ACSL4: variants seen among roughly 807,000 people sequenced by gnomAD.
The protein encoded by ACSL4 is long-chain-fatty-acid--CoA ligase 4.
A neutral mutation model predicts 49.1 loss-of-function variants in ACSL4; 9 were observed. That is an observed-to-expected ratio of 0.18 (90% CI 0.11 to 0.32). The LOEUF (loss-of-function observed/expected upper bound fraction) is 0.32. Ranked by LOEUF, ACSL4 falls within the 10% of genes least tolerant of loss-of-function variation. The probability of loss-of-function intolerance (pLI) is 1.00; values close to 1 mark genes in which losing one functional copy is unlikely to be tolerated. For synonymous variants in ACSL4, 191 were observed against 170.3 expected (o/e 1.12, Z -0.95); for missense variants, 333 against 493.7 (o/e 0.67, Z 3.08).
chrX:109,683,257 T>C lies in ACSL4; in HGVS notation c.107A>G (p.Asp36Gly). 8.3e-7 allele frequency: 1 copy of C among 1,212,004 alleles called. No individual in the cohort carries two copies. The highest frequency in any genetic ancestry group is 1.1e-6 in the Non-Finnish European group (1 of 895,490). ...SLAVIDIPGADTLDKLFDHAV... is the reference protein window; with the variant it reads ...SLAVIDIPGAGTLDKLFDHAV... The stretch of plus-strand genomic sequence containing the variant: ...ATGGTCAAATAATTTATCCAGAGTA[T>C]CTGCTCCAGGGATGTCTATTACAGC... Residue 36 changes from aspartate to glycine, a missense_variant, in exon 3 of 16, where the codon GAT becomes GGT. By Grantham distance (94) the Asp-to-Gly change is moderately conservative. This residue lies in a region of ACSL4 where 157 missense variants were observed against 201.1 expected (regional missense o/e 0.78). Coordinates refer to ENST00000672401, the MANE Select transcript of ACSL4 (RefSeq NM_001318510.2).
rs73248180 is a variant in ACSL4, at chrX:109,699,258, G to A, written c.-65-3062C>T. 2.7e-5 allele frequency among the ~76,000 whole-genome samples: 3 copies of A among 110,652 alleles called. No homozygotes were observed. The East Asian group carries it at 8.5e-4, about 31-fold the overall frequency. Reference sequence around the variant, plus strand: ...GGTGCATGCCTATTAACCCAGCTACGGGGGAGGCTGCGGCAGGAGAATCAC... The same window carrying A: ...GGTGCATGCCTATTAACCCAGCTACAGGGGAGGCTGCGGCAGGAGAATCAC... On this transcript the variant is annotated intron_variant, in intron 1 of 15. Coordinates refer to ENST00000672401, the MANE Select transcript of ACSL4 (RefSeq NM_001318510.2).
chrX:109,702,603 C>T (rs1569437007), intron 1 of ACSL4, among the ~76,000 whole-genome samples: 1 of 112,022 alleles, frequency 8.9e-6, no homozygotes, highest in Non-Finnish European at 1.9e-5. Flanking sequence ...TACTATTCTC[C>T]AAGAAAAAGA....
intron 12 of ACSL4, among the ~76,000 whole-genome samples, chrX:109,664,716 C>T (rs1922487608): frequency 8.9e-6 from 1 of 111,778 alleles, no homozygotes; most frequent in Non-Finnish European, 1.9e-5. Context: ...ATTTTTAGTC[C>T]GTGTTCCATC....
intron 12 of ACSL4, 116 bp from the exon 13 acceptor site, chrX:109,663,518 G>C (rs1048610258): frequency 3.1e-6 from 2 of 644,724 alleles, no homozygotes; most frequent in Non-Finnish European, 4.8e-6. Context: ...CTTTATGAGA[G>C]AACATTAGTT....
intron 1 of ACSL4, among the ~76,000 whole-genome samples, chrX:109,705,800 C>T (rs1350324754): frequency 3.6e-5 from 4 of 112,444 alleles, no homozygotes; most frequent in South Asian, 3.6e-4. Context: ...CGGGTTCAAG[C>T]GATTCTCCTG....
intron 2 of ACSL4, among the ~76,000 whole-genome samples, chrX:109,695,076 G>T (rs1230454157): frequency 9.0e-6 from 1 of 111,602 alleles, no homozygotes; most frequent in Non-Finnish European, 1.9e-5. Flanking sequence ...GGCTGGTATG[G>T]TGGCTCATGC....
Position 109,644,149 on chromosome X carries a change from T to C in ACSL4, c.1893A>G (p.Arg631=), listed in dbSNP as rs2147344852. The C allele has an allele frequency of 3.3e-6, 4 of 1,208,589 alleles. No individual in the cohort carries two copies. The East Asian group carries it at 1.2e-4, about 36-fold the overall frequency. ...LERFEIPIKV[R]LSPEPWTPET... The stretch of plus-strand genomic sequence containing the variant: ...CAGGGGTCCATGGCTCTGGGCTTAA[T>C]CGAACCTTGATTGGAATTTCAAATC... Residue 631 remains arginine, a synonymous_variant, in exon 16 of 16, where the codon CGA becomes CGG. Coordinates refer to ENST00000672401, the MANE Select transcript of ACSL4 (RefSeq NM_001318510.2).
In ACSL4 at chrX:109,641,768, G is replaced by A. The variant is rs1934451279; in HGVS notation, c.*2261C>T. On this transcript the variant is annotated 3_prime_UTR_variant, in exon 16 of 16. Transcript: ENST00000672401. ...TATCAAGGAGGCAGGAACATTCATG[G>A]AATTAAAGCAAAAGTCACAAGTGTT... 8.9e-6 allele frequency: 1 copy of A among 112,412 alleles called. No individual in the cohort carries two copies. Among genetic ancestry groups the A allele is most frequent in the Admixed American group, 9.5e-5 (1 of 10,522 alleles). 9.3% of individuals were successfully genotyped at this position (112,412 alleles called of 1,213,427 possible).
chrX:109,657,296 T>C (rs1281246238), intron 15 of ACSL4, among the ~76,000 whole-genome samples: 4 of 111,230 alleles, frequency 3.6e-5, no homozygotes, highest in Non-Finnish European at 7.5e-5. Context: ...ACATGTGCCA[T>C]GTTGGTGTGC....
intron 14 of ACSL4, among the ~76,000 whole-genome samples, chrX:109,660,430 A>T (rs1465175072): frequency 8.9e-6 from 1 of 111,920 alleles, no homozygotes; most frequent in Admixed American, 9.5e-5. Flanking sequence ...TATAAAACAA[A>T]CAAGTGCTAG....
chrX:109,685,262 T>C (rs1290112550), intron 2 of ACSL4, among the ~76,000 whole-genome samples: 1 of 108,985 alleles, frequency 9.2e-6, no homozygotes, highest in African/African-American at 3.3e-5. Flanking sequence ...CTGGCTAGTT[T>C]TTTTCCATTT....
At chrX:109,670,879 G>A (rs1327791961) in intron 9 of ACSL4, among the ~76,000 whole-genome samples, 2 of 112,533 alleles carry the variant, frequency 1.8e-5, no homozygotes, top group East Asian at 2.8e-4. Flanking sequence ...TGCCAGCCTC[G>A]GCCTCCCGAG....
At chrX:109,700,352 A>G (rs1925809314) in intron 1 of ACSL4, among the ~76,000 whole-genome samples, 1 of 110,083 alleles carries the variant, frequency 9.1e-6, no homozygotes, top group Non-Finnish European at 1.9e-5. Flanking sequence ...CAACATGGTG[A>G]AAAACCACCT....
chrX:109,669,188 A>G lies in ACSL4; in HGVS notation c.1003-15T>C. 8.8e-7 allele frequency: 1 copy of G among 1,136,824 alleles called. No individual in the cohort carries two copies. Among genetic ancestry groups the G allele is most frequent in the South Asian group, 1.8e-5 (1 of 54,630 alleles). 93.7% of individuals were successfully genotyped at this position (1,136,824 alleles called of 1,213,427 possible). ...TCCATGATTTCCTGAAAGTTAAACA[A>G]AATATTCAATAATCTGAAAGGAATG... On this transcript the variant is annotated splice_polypyrimidine_tract_variant and intron_variant, in intron 9 of 15. Transcript: ENST00000672401.
chrX:109,672,151 C>T (rs933677705), intron 9 of ACSL4, among the ~76,000 whole-genome samples: 26 of 106,651 alleles, frequency 2.4e-4, no homozygotes, highest in Admixed American at 4.0e-4. Flanking sequence ...TCTCCATTTC[C>T]ACAAAAGGAA....
At chrX:109,725,982 T>A (rs1927958114) in intron 1 of ACSL4, among the ~76,000 whole-genome samples, 1 of 111,430 alleles carries the variant, frequency 9.0e-6, no homozygotes, top group Non-Finnish European at 1.9e-5. Context: ...ACAACCCACC[T>A]CCATCCCTCA....
intron 1 of ACSL4, among the ~76,000 whole-genome samples, chrX:109,714,469 GACAGTGGTGT>G (rs1338847801): frequency 5.4e-5 from 6 of 111,708 alleles, no homozygotes; most frequent in Non-Finnish European, 9.4e-5. Flanking sequence ...TTATAAAGTG[GACAGTGGTGT>G]ACAGTAATGT....
intron 1 of ACSL4, among the ~76,000 whole-genome samples, chrX:109,709,209 C>T (rs1183566719): frequency 4.5e-5 from 5 of 112,137 alleles, no homozygotes; most frequent in Non-Finnish European, 9.4e-5. Context: ...AAATGAATAT[C>T]ATTCCTTTGA....
In ACSL4 at chrX:109,690,959, A is replaced by T. The variant is rs150912588; in HGVS notation, c.-13+5185T>A. Reference sequence around the variant, plus strand: ...CTAGTACACAAAGTAAACAAACACTACATATTAATTAAAGTCTGAATTTAA... The same window carrying T: ...CTAGTACACAAAGTAAACAAACACTTCATATTAATTAAAGTCTGAATTTAA... On this transcript the variant is annotated intron_variant, in intron 2 of 15. Transcript: ENST00000672401. 4.9e-3 allele frequency among the ~76,000 whole-genome samples: 545 copies of T among 111,733 alleles called. 5 individuals are homozygous for T. Among genetic ancestry groups the T allele is most frequent in the African/African-American group, 0.015 (466 of 30,832 alleles).
Sources: gnomAD v4.1 joint callset for allele counts (sites outside exome capture counted in the v4.1 genomes callset) on GRCh38, gnomAD v4.1.1 for gene constraint, gnomAD v4.1.1 regional missense constraint, MANE v1.5 for transcripts, NCBI Gene and HGNC (gene_info 2026-07-23, HGNC 2026-07-21) for gene names.